Variants in THADA observed in about 807,000 individuals in gnomAD.
THADA encodes the protein tRNA (32-2'-O)-methyltransferase regulator THADA.
A neutral mutation model predicts 219.8 loss-of-function variants in THADA; 213 were observed. The ratio of observed to expected loss-of-function variants is 0.97; its 90% CI spans 0.87 to 1.09. The LOEUF is 1.09. THADA is among the 50% of genes least tolerant of loss of function. The pLI, the probability that THADA is intolerant of heterozygous loss-of-function variation, is 0.00. For missense variants in THADA, 2,956 were observed against 2,311.3 expected, an observed-to-expected ratio of 1.28 and a Z score of -5.72; for synonymous variants, 1,018 against 828.9, an observed-to-expected ratio of 1.23 and a Z score of -3.92.
chr2:43,469,685 A>G (rs1684675264), intron 26 of THADA, among the ~76,000 whole-genome samples: 1 of 152,142 alleles, frequency 6.6e-6, no homozygotes, highest in South Asian at 2.1e-4. Context: ...ATCCAAAAAA[A>G]CATGCCTCTC....
intron 22 of THADA, among the ~76,000 whole-genome samples, chr2:43,523,387 A>G (rs1457494440): frequency 2.6e-5 from 4 of 152,204 alleles, no homozygotes; most frequent in Non-Finnish European, 4.4e-5. Context: ...TAAATTAAAA[A>G]TAAAGTTTAC....
chr2:43,350,236 T>C (rs1019293222), intron 29 of THADA, among the ~76,000 whole-genome samples: 2 of 152,038 alleles, frequency 1.3e-5, no homozygotes, highest in African/African-American at 2.4e-5. Context: ...CTAGGTCAGA[T>C]TGAAAGGGGG....
At chr2:43,421,036 C>T (rs1417552306) in intron 28 of THADA, among the ~76,000 whole-genome samples, 5 of 152,202 alleles carry the variant, frequency 3.3e-5, no homozygotes, top group Admixed American at 1.3e-4. Flanking sequence ...AGGCCTAAAA[C>T]ACCACCATTA....
chr2:43,404,417 A>G (rs1436747458), intron 28 of THADA, among the ~76,000 whole-genome samples: 1 of 145,142 alleles, frequency 6.9e-6, no homozygotes, highest in Non-Finnish European at 1.5e-5. Flanking sequence ...GGTCTCATAC[A>G]CCTGGCCTGA....
intron 28 of THADA, among the ~76,000 whole-genome samples, chr2:43,400,053 G>A (rs1265788861): frequency 6.6e-6 from 1 of 152,162 alleles, no homozygotes; most frequent in Non-Finnish European, 1.5e-5. Context: ...AAGGGCTCTT[G>A]TATATAAATG....
intron 28 of THADA, among the ~76,000 whole-genome samples, chr2:43,414,880 C>T (rs1676743636): frequency 6.6e-6 from 1 of 152,120 alleles, no homozygotes. Flanking sequence ...AATGGAACTA[C>T]ATCTAGAAGG....
chr2:43,448,121 A>G (rs192844361), intron 26 of THADA, among the ~76,000 whole-genome samples: 1 of 152,382 alleles, frequency 6.6e-6, no homozygotes, highest in Admixed American at 6.5e-5. Context: ...AACCAGTGAA[A>G]GAATTCTCGA....
chr2:43,527,293 C>G (rs1055474919), intron 22 of THADA, among the ~76,000 whole-genome samples: 9 of 152,096 alleles, frequency 5.9e-5, no homozygotes, highest in Non-Finnish European at 1.2e-4. Flanking sequence ...AAGGTTTCCC[C>G]ACAAGCTCTT....
intron 26 of THADA, among the ~76,000 whole-genome samples, chr2:43,436,980 T>C (rs947835499): frequency 2.0e-5 from 3 of 152,214 alleles, no homozygotes; most frequent in Non-Finnish European, 4.4e-5. Context: ...AGCTCTCAGA[T>C]GTCTACGAAG....
intron 25 of THADA, among the ~76,000 whole-genome samples, chr2:43,493,352 G>A (rs551778789): frequency 2.3e-4 from 35 of 152,106 alleles, no homozygotes; most frequent in Non-Finnish European, 5.1e-4. Context: ...AGAATTAGCT[G>A]GGCGTGGTAG....
rs765352765 is a variant in THADA at position 43,291,454 on chromosome 2, CAAAAAAAAAAAAA to C, written c.5010+229_5010+241del. ...GGGCAACAAGAGCAAAACTCCATCT[CAAAAAAAAAAAAA>C]AAAAAAAAAAAAAAATCCTAAAACA... On this transcript the variant is annotated intron_variant, in intron 34 of 37. Coordinates refer to ENST00000405975, the MANE Select transcript of THADA (RefSeq NM_022065.5). Among the ~76,000 whole-genome samples the C allele has an allele frequency of 2.8e-3, 23 of 8,092 alleles. 1 individual carries two copies. The highest frequency in any genetic ancestry group is 5.7e-3 in the Admixed American group (3 of 526). 5.3% of individuals were successfully genotyped at this position (8,092 alleles called of 152,430 possible). A position where few individuals can be genotyped will look rare whatever the true frequency, so the allele number is the denominator to read the frequency against.
At chr2:43,319,342 T>C (rs537184758) in intron 31 of THADA, among the ~76,000 whole-genome samples, 16 of 152,314 alleles carry the variant, frequency 1.1e-4, no homozygotes, top group African/African-American at 3.6e-4. Flanking sequence ...GATTGCTTTA[T>C]AGCTATAAAA....
chr2:43,236,409 C>T (rs1339313298), intron 36 of THADA, among the ~76,000 whole-genome samples: 1 of 152,192 alleles, frequency 6.6e-6, no homozygotes, highest in African/African-American at 2.4e-5. Context: ...CCAGAACTGC[C>T]TAGATCTCTA....
rs1046629398 is a variant in THADA at position 43,421,050 on chromosome 2, T to G, written c.4058+7050A>C. Among the ~76,000 whole-genome samples the G allele has an allele frequency of 1.1e-4, 17 of 152,142 alleles. 1 individual carries two copies. The highest frequency in any genetic ancestry group is 2.1e-4 in the Non-Finnish European group (14 of 68,032). On this transcript the variant is annotated intron_variant, in intron 28 of 37. Transcript: ENST00000405975. Reference sequence around the variant, plus strand: ...AAGGCCTAAAACACCACCATTAGAGTTTTACTGCTTTATTTCAAAATGTAT... The same window carrying G: ...AAGGCCTAAAACACCACCATTAGAGGTTTACTGCTTTATTTCAAAATGTAT...
intron 28 of THADA, among the ~76,000 whole-genome samples, chr2:43,425,487 T>A (rs1205267018): frequency 1.4e-5 from 2 of 146,766 alleles, no homozygotes; most frequent in African/African-American, 2.5e-5. Flanking sequence ...TGTGTGTGTG[T>A]GATGGTATTA....
At chr2:43,466,255 C>T (rs1204893039) in intron 26 of THADA, among the ~76,000 whole-genome samples, 1 of 152,210 alleles carries the variant, frequency 6.6e-6, no homozygotes, top group East Asian at 1.9e-4. Flanking sequence ...TAATGCATAG[C>T]AGCATATTAA....
chr2:43,514,616 T>C (rs1690980189), intron 22 of THADA, among the ~76,000 whole-genome samples: 2 of 105,016 alleles, frequency 1.9e-5, no homozygotes, highest in Admixed American at 2.7e-4. Flanking sequence ...ATATTTTATA[T>C]ATTTTATATA....
intron 26 of THADA, among the ~76,000 whole-genome samples, chr2:43,473,202 T>C (rs1223358174): frequency 6.6e-6 from 1 of 152,234 alleles, no homozygotes; most frequent in African/African-American, 2.4e-5. Context: ...TAAAACACAT[T>C]ATTCAGCTGT....
chr2:43,542,599 T>C (rs188695535), intron 20 of THADA, among the ~76,000 whole-genome samples: 1 of 152,220 alleles, frequency 6.6e-6, no homozygotes, highest in South Asian at 2.1e-4. Flanking sequence ...TTCTGGAAGC[T>C]TGACACAACA....
Sources: gnomAD v4.1 joint callset for allele counts (sites outside exome capture counted in the v4.1 genomes callset) on GRCh38, gnomAD v4.1.1 for gene constraint, MANE v1.5 for transcripts, NCBI Gene and HGNC (gene_info 2026-07-23, HGNC 2026-07-21) for gene names.